The following SIPA1L1 variants were observed in gnomAD, a reference collection of about 807,000 sequenced individuals.
SIPA1L1 encodes signal induced proliferation associated 1 like 1.
In SIPA1L1, 26 loss-of-function variants were observed where a neutral mutation model predicts 162.7. That is an observed-to-expected ratio of 0.16 (90% CI 0.12 to 0.22). SIPA1L1 has a LOEUF of 0.22. SIPA1L1 is among the 10% of genes least tolerant of loss of function. The pLI is 1.00. For missense variants in SIPA1L1, 1,874 were observed against 2,241.0 expected (o/e 0.84, Z 3.31); for synonymous variants, 829 against 837.4 (o/e 0.99, Z 0.17).
intron 2 of SIPA1L1, among the ~76,000 whole-genome samples, chr14:71,371,010 TAA>T (rs762098470): frequency 1.3e-5 from 2 of 152,140 alleles, no homozygotes; most frequent in Admixed American, 6.5e-5. Context: ...AATTTAATAA[TAA>T]GAGTGGTATT....
chr14:71,704,691 G>C, intron 15 of SIPA1L1: 1 of 1,560,050 alleles, frequency 6.4e-7, no homozygotes, highest in Non-Finnish European at 8.8e-7. Context: ...AAGTAAACTA[G>C]TTGCTGTGTG....
At chr14:71,632,467 C>A (rs970007876) in intron 7 of SIPA1L1, among the ~76,000 whole-genome samples, 7 of 152,176 alleles carry the variant, frequency 4.6e-5, no homozygotes, top group South Asian at 4.1e-4. Context: ...ACAACAACAA[C>A]AAAAAACCCA....
intron 2 of SIPA1L1, among the ~76,000 whole-genome samples, chr14:71,384,499 T>C (rs2040162060): frequency 6.6e-6 from 1 of 152,138 alleles, no homozygotes; most frequent in Non-Finnish European, 1.5e-5. Flanking sequence ...AAACTGGAGC[T>C]TCTGGGCTTT....
rs192674622 is a variant in SIPA1L1 at position 71,718,680 on chromosome 14, A to T, written c.4209-4967A>T. Among the ~76,000 whole-genome samples the T allele has an allele frequency of 4.7e-4, 72 of 152,314 alleles. 1 individual carries two copies. The highest frequency in any genetic ancestry group is 1.7e-3 in the African/African-American group (70 of 41,572). On this transcript the variant is annotated intron_variant, in intron 17 of 23. Transcript: ENST00000381232. ...CAAAAACAAAAATTAAGAAAATAAT[A>T]GCCTTATTTTGTCTGTTTTGGGACT...
intron 2 of SIPA1L1, among the ~76,000 whole-genome samples, chr14:71,492,340 A>G (rs1386269986): frequency 6.6e-6 from 1 of 152,148 alleles, no homozygotes; most frequent in Non-Finnish European, 1.5e-5. Context: ...TTTTTTTCCA[A>G]CAGCATAAAG....
intron 4 of SIPA1L1, among the ~76,000 whole-genome samples, chr14:71,549,122 T>C (rs2055540372): frequency 6.6e-6 from 1 of 152,184 alleles, no homozygotes; most frequent in Non-Finnish European, 1.5e-5. Context: ...TGGTTTTAAG[T>C]GCTGGAGAAA....
chr14:71,491,303 T>A (rs374277135), intron 2 of SIPA1L1, among the ~76,000 whole-genome samples: 3 of 152,182 alleles, frequency 2.0e-5, no homozygotes, highest in East Asian at 1.9e-4. Context: ...ATTACAGTTG[T>A]TCCTTTTGGT....
In SIPA1L1 at chr14:71,614,179, C is replaced by T. The variant is rs1479052817; in HGVS notation, c.1499-4578C>T. Reference sequence around the variant, plus strand: ...GTTGCAGTGGGCCAAGATCATGCCACGGCACTCCAGTCTGGGCCACAGAGC... The same window carrying T: ...GTTGCAGTGGGCCAAGATCATGCCATGGCACTCCAGTCTGGGCCACAGAGC... On this transcript the variant is annotated intron_variant, in intron 5 of 23. Coordinates refer to ENST00000381232, the MANE Select transcript of SIPA1L1 (RefSeq NM_001386936.1). Among the ~76,000 whole-genome samples, 8 of 150,246 alleles carry T rather than the reference C, an allele frequency of 5.3e-5. No individual in the cohort carries two copies. In the South Asian group the frequency reaches 8.4e-4, roughly 16 times the overall value.
At chr14:71,322,809 G>C (rs955291564) in intron 2 of SIPA1L1, among the ~76,000 whole-genome samples, 1 of 152,220 alleles carries the variant, frequency 6.6e-6, no homozygotes, top group African/African-American at 2.4e-5. Context: ...GAGTGAACAA[G>C]TTTGGTGAGT....
At chr14:71,691,662 A>C (rs1425265349) in intron 13 of SIPA1L1, among the ~76,000 whole-genome samples, 1 of 151,986 alleles carries the variant, frequency 6.6e-6, no homozygotes, top group Admixed American at 6.6e-5. Context: ...CCCCATCCCT[A>C]GGCATGGGAG....
intron 5 of SIPA1L1, among the ~76,000 whole-genome samples, chr14:71,609,115 G>A (rs138995605): frequency 6.6e-6 from 1 of 152,142 alleles, no homozygotes; most frequent in East Asian, 1.9e-4. Flanking sequence ...ATTGGGCCAT[G>A]CCATCTCTTA....
chr14:71,633,633 T>TTG (rs2040825395), intron 7 of SIPA1L1, among the ~76,000 whole-genome samples: 1 of 152,160 alleles, frequency 6.6e-6, no homozygotes, highest in Non-Finnish European at 1.5e-5. Context: ...TATGGGCCAT[T>TTG]AGCAGTCTAC....
At chr14:71,548,209 C>A (rs1404905215) in intron 4 of SIPA1L1, among the ~76,000 whole-genome samples, 1 of 152,100 alleles carries the variant, frequency 6.6e-6, no homozygotes. Context: ...TTCAGGCAAA[C>A]ATGTGCTACT....
intron 2 of SIPA1L1, among the ~76,000 whole-genome samples, chr14:71,477,316 C>G (rs2047949310): frequency 6.6e-6 from 1 of 152,034 alleles, no homozygotes; most frequent in African/African-American, 2.4e-5. Context: ...TACCTCCTGT[C>G]TAACACTGAT....
chr14:71,330,672 C>T (rs975672033), intron 2 of SIPA1L1: 25 of 879,306 alleles, frequency 2.8e-5, no homozygotes, highest in Non-Finnish European at 4.9e-5. Context: ...GGGGTACCCT[C>T]TCATGAGGAG....
At chr14:71,339,448 C>T (rs1156246964) in intron 2 of SIPA1L1, among the ~76,000 whole-genome samples, 8 of 151,670 alleles carry the variant, frequency 5.3e-5, no homozygotes, top group African/African-American at 9.7e-5. Flanking sequence ...CCGCAACCTC[C>T]GCCTCCTGGG....
At chr14:71,380,194 G>A (rs2039776215) in intron 2 of SIPA1L1, among the ~76,000 whole-genome samples, 1 of 152,116 alleles carries the variant, frequency 6.6e-6, no homozygotes. Flanking sequence ...AATTGTGTAT[G>A]GAATAATTAA....
intron 2 of SIPA1L1, among the ~76,000 whole-genome samples, chr14:71,363,558 A>AT (rs907845442): frequency 2.6e-5 from 4 of 152,188 alleles, no homozygotes; most frequent in Non-Finnish European, 4.4e-5. Context: ...TGAATCACTT[A>AT]TAAGTTAGTT....
intron 2 of SIPA1L1, among the ~76,000 whole-genome samples, chr14:71,376,519 T>C (rs772282031): frequency 3.3e-5 from 5 of 151,686 alleles, no homozygotes; most frequent in Non-Finnish European, 7.4e-5. Flanking sequence ...TTTTTTTAAG[T>C]ATTCCTTTTT....
Sources: gnomAD v4.1 joint callset for allele counts (sites outside exome capture counted in the v4.1 genomes callset) on GRCh38, gnomAD v4.1.1 for gene constraint, MANE v1.5 for transcripts, NCBI Gene and HGNC (gene_info 2026-07-23, HGNC 2026-07-21) for gene names.